Variants in MACROD2 observed in about 807,000 individuals in gnomAD.
The protein encoded by MACROD2 is mono-ADP ribosylhydrolase 2.
In MACROD2, 36 loss-of-function variants were observed where a neutral mutation model predicts 70.4. The ratio of observed to expected loss-of-function variants is 0.51; its 90% confidence interval spans 0.39 to 0.68. The LOEUF (loss-of-function observed/expected upper bound fraction) is 0.68. Ranked by LOEUF, MACROD2 falls within the 30% of genes least tolerant of loss-of-function variation. MACROD2 has a pLI of 0.00. For synonymous variants in MACROD2, 172 were observed against 178.8 expected (o/e 0.96, Z 0.30); for missense variants, 496 against 538.4 (o/e 0.92, Z 0.78).
chr20:15,154,674 G>A (rs1206081699), intron 5 of MACROD2, among the ~76,000 whole-genome samples: 1 of 152,204 alleles, frequency 6.6e-6, no homozygotes. Context: ...GAGTGAGAGA[G>A]TTCTCTAGGG....
chr20:14,750,134 G>A (rs2071851147), intron 5 of MACROD2, among the ~76,000 whole-genome samples: 1 of 152,016 alleles, frequency 6.6e-6, no homozygotes, highest in African/African-American at 2.4e-5. Flanking sequence ...TATTCTTCTA[G>A]TTTTGCAAAT....
intron 5 of MACROD2, among the ~76,000 whole-genome samples, chr20:15,184,087 C>T (rs1188032580): frequency 6.6e-6 from 1 of 151,924 alleles, no homozygotes; most frequent in African/African-American, 2.4e-5. Flanking sequence ...TCAAGGAACC[C>T]TCCCCTTTTA....
At chr20:14,117,176 C>G (rs541666507) in intron 3 of MACROD2, among the ~76,000 whole-genome samples, 2 of 152,024 alleles carry the variant, frequency 1.3e-5, no homozygotes, top group Admixed American at 6.6e-5. Flanking sequence ...CTTTATCTTT[C>G]TATTGAATTC....
At chr20:15,719,674 C>T (rs1434193613) in intron 8 of MACROD2, among the ~76,000 whole-genome samples, 1 of 151,996 alleles carries the variant, frequency 6.6e-6, no homozygotes. Context: ...TTTATTGACA[C>T]ATAATAATTG....
intron 5 of MACROD2, among the ~76,000 whole-genome samples, chr20:15,067,561 G>A (rs6135336): frequency 0.18 from 26,644 of 151,910 alleles, 2,787 homozygotes; most frequent in East Asian, 0.35. Flanking sequence ...TGTTGTCTAG[G>A]CTGGTCTCCA....
At chr20:14,892,259 GT>G (rs1372505511) in intron 5 of MACROD2, among the ~76,000 whole-genome samples, 1 of 152,052 alleles carries the variant, frequency 6.6e-6, no homozygotes, top group Non-Finnish European at 1.5e-5. Flanking sequence ...ATCACTTGAG[GT>G]CAGGAGTTCG....
intron 6 of MACROD2, among the ~76,000 whole-genome samples, chr20:15,364,498 T>TC (rs2045377470): frequency 6.6e-6 from 1 of 152,250 alleles, no homozygotes; most frequent in African/African-American, 2.4e-5. Flanking sequence ...AGAAATGGTT[T>TC]CCCATGGTTC....
chr20:15,390,903 C>T (rs1003487847), intron 6 of MACROD2, among the ~76,000 whole-genome samples: 1 of 152,188 alleles, frequency 6.6e-6, no homozygotes, highest in South Asian at 2.1e-4. Flanking sequence ...AGTGAGAGTT[C>T]TCCATCACAC....
intron 12 of MACROD2, among the ~76,000 whole-genome samples, chr20:15,954,469 T>C (rs2065948656): frequency 1.3e-5 from 2 of 152,208 alleles, no homozygotes; most frequent in African/African-American, 4.8e-5. Flanking sequence ...TGTAAATCTT[T>C]TTCTGTTGTT....
intron 5 of MACROD2, among the ~76,000 whole-genome samples, chr20:15,164,179 A>T (rs187269786): frequency 0.035 from 5,234 of 151,084 alleles, 119 homozygotes; most frequent in Middle Eastern, 0.088. Context: ...AAAATATTTT[A>T]AAAAAATAAA....
intron 5 of MACROD2, among the ~76,000 whole-genome samples, chr20:14,766,187 G>T (rs556066448): frequency 9.2e-5 from 14 of 152,052 alleles, no homozygotes; most frequent in Middle Eastern, 3.4e-3. Context: ...TATTCTCACG[G>T]GTAGTCGGCC....
intron 5 of MACROD2, among the ~76,000 whole-genome samples, chr20:15,062,576 T>G (rs1390444323): frequency 1.3e-5 from 2 of 152,130 alleles, no homozygotes. Context: ...TTTGCTGTGC[T>G]CCCGAACTGA....
At chr20:15,636,847 G>A (rs1260682229) in intron 8 of MACROD2, among the ~76,000 whole-genome samples, 1 of 152,010 alleles carries the variant, frequency 6.6e-6, no homozygotes, top group Non-Finnish European at 1.5e-5. Context: ...AAGCAGGAGG[G>A]GATGAGCTGT....
intron 7 of MACROD2, among the ~76,000 whole-genome samples, chr20:15,461,754 G>T (rs940310656): frequency 1.3e-5 from 2 of 152,080 alleles, no homozygotes. Context: ...TGAATAAAAT[G>T]AACTCTTGCA....
At chr20:15,318,755 C>A (rs959914008) in intron 6 of MACROD2, among the ~76,000 whole-genome samples, 1 of 152,042 alleles carries the variant, frequency 6.6e-6, no homozygotes, top group East Asian at 1.9e-4. Flanking sequence ...GAATTTGACA[C>A]AATCCAAAAC....
chr20:15,997,622 A>G lies in MACROD2; in HGVS notation c.1153+10464A>G, dbSNP rs542450678. On this transcript the variant is annotated intron_variant, in intron 15 of 17. Coordinates refer to ENST00000684519, the MANE Select transcript of MACROD2 (RefSeq NM_001351661.2). ...TGTCTGTAAGGTTTTTAATAAGACT[A>G]TGTCATCTATAAACAGAGAAAATCA... Among the ~76,000 whole-genome samples, 9 of 152,296 alleles carry G rather than the reference A, an allele frequency of 5.9e-5. No individual in the cohort carries two copies. The East Asian group carries it at 1.5e-3, about 26-fold the overall frequency.
At chr20:15,985,124 C>T (rs1009857618) in intron 13 of MACROD2, among the ~76,000 whole-genome samples, 4 of 152,072 alleles carry the variant, frequency 2.6e-5, no homozygotes, top group African/African-American at 7.2e-5. Context: ...ACAGTAACAC[C>T]GTAATCTCCT....
At chr20:15,923,415 A>G (rs186193846) in intron 10 of MACROD2, among the ~76,000 whole-genome samples, 3 of 152,302 alleles carry the variant, frequency 2.0e-5, no homozygotes, top group South Asian at 2.1e-4. Context: ...CCATGATTCA[A>G]TTACCTCCCT....
intron 4 of MACROD2, among the ~76,000 whole-genome samples, chr20:14,496,002 G>T (rs1431397860): frequency 6.6e-6 from 1 of 152,122 alleles, no homozygotes; most frequent in East Asian, 1.9e-4. Context: ...ACACGTGTCT[G>T]ATTTTTGGAA....
Sources: allele counts gnomAD v4.1 joint callset (sites outside exome capture counted in the v4.1 genomes callset), GRCh38; gene constraint gnomAD v4.1.1; transcripts MANE v1.5; gene names NCBI Gene and HGNC (gene_info 2026-07-23, HGNC 2026-07-21).